DOC2A: variants seen among roughly 807,000 people sequenced by gnomAD.
The protein encoded by DOC2A is double C2 domain alpha, also known as double C2-like domain-containing protein alpha.
Under a neutral mutation model 40.6 loss-of-function variants are expected in DOC2A, and 28 were observed. The ratio of observed to expected loss-of-function variants is 0.69; its 90% CI spans 0.51 to 0.95. The LOEUF is 0.95. DOC2A is among the 40% of genes least tolerant of loss of function. DOC2A has a pLI of 0.00. For synonymous variants in DOC2A, 241 were observed against 236.9 expected (o/e 1.02, Z -0.16); for missense variants, 474 against 552.5 (o/e 0.86, Z 1.42).
In DOC2A at chr16:30,006,036, A is replaced by G. The variant is rs1035893005; in HGVS notation, c.*150T>C. 5 of 873,226 alleles carry G rather than the reference A, an allele frequency of 5.7e-6. No individual in the cohort carries two copies. The highest frequency in any genetic ancestry group is 6.8e-6 in the Non-Finnish European group (4 of 585,226). 54.1% of individuals were successfully genotyped at this position (873,226 alleles called of 1,614,324 possible). On this transcript the variant is annotated 3_prime_UTR_variant, in exon 11 of 11. Coordinates refer to ENST00000350119, the MANE Select transcript of DOC2A (RefSeq NM_003586.3). The surrounding 1 kb of genome is among the most constrained non-coding windows in gnomAD (Gnocchi z 6.2). ...TGAATATAGAACTCCGCAGCCCCTC[A>G]TGAGCAGACAGACCCGGGTCACGGA...
rs9972866 is a variant in DOC2A, at chr16:30,007,661, C to A, written c.528-362G>T. 1,721 of 369,794 alleles carry A rather than the reference C, an allele frequency of 4.7e-3. 10 individuals are homozygous for A. The highest frequency in any genetic ancestry group is 7.5e-3 in the Admixed American group (190 of 25,218). The allele number at this position is 369,794 out of a possible 1,614,324, so 22.9% of individuals were successfully genotyped here. ...GCCTTGGAGCCTTGGGCAGCCAGACCAGTACCCCACGCCTCCTCGGGAACC... is the reference window on the plus strand; with the variant it reads ...GCCTTGGAGCCTTGGGCAGCCAGACAAGTACCCCACGCCTCCTCGGGAACC... On this transcript the variant is annotated intron_variant, in intron 5 of 10. Coordinates refer to ENST00000350119, the MANE Select transcript of DOC2A (RefSeq NM_003586.3).
chr16:30,009,467 G>C lies in DOC2A; in HGVS notation c.342+11C>G, dbSNP rs1284838419. 1.3e-6 allele frequency: 2 copies of C among 1,551,218 alleles called. No homozygotes were observed. The highest frequency in any genetic ancestry group is 2.7e-5 in the African/African-American group (2 of 73,156). On this transcript the variant is annotated intron_variant, in intron 3 of 10. Coordinates refer to ENST00000350119, the MANE Select transcript of DOC2A (RefSeq NM_003586.3). This position sits in a 1 kb window ranked among gnomAD's most constrained non-coding sequence, Gnocchi z 4.1. Reference sequence around the variant, plus strand: ...AACCGGGCCCGGGCTTGGGTGGCAGGGAGTGCCCACCTTGGCCCTGAGGAT... The same window carrying C: ...AACCGGGCCCGGGCTTGGGTGGCAGCGAGTGCCCACCTTGGCCCTGAGGAT...
rs1329268017 is a variant in DOC2A at position 30,009,809 on chromosome 16, AC to A, written c.262+151del. ...TGCTGAAGCTGTAATCTCCACGCTG[AC>A]TGCAGCTGTGGTGGCCGTCCCTGCC... On this transcript the variant is annotated intron_variant, in intron 2 of 10. Coordinates refer to ENST00000350119, the MANE Select transcript of DOC2A (RefSeq NM_003586.3). This position sits in a 1 kb window ranked among gnomAD's most constrained non-coding sequence, Gnocchi z 4.1. 32 of 940,554 alleles carry A rather than the reference AC, an allele frequency of 3.4e-5. No homozygotes were observed. The highest frequency in any genetic ancestry group is 5.0e-5 in the Non-Finnish European group (30 of 597,520). 58.3% of individuals were successfully genotyped at this position (940,554 alleles called of 1,614,324 possible). A position where few individuals can be genotyped will look rare whatever the true frequency, so the allele number is the denominator to read the frequency against.
rs770823790 is a variant in DOC2A at position 30,009,117 on chromosome 16, G to A, written c.418-12C>T. On this transcript the variant is annotated splice_polypyrimidine_tract_variant and intron_variant, in intron 4 of 10. Coordinates refer to ENST00000350119, the MANE Select transcript of DOC2A (RefSeq NM_003586.3). This position sits in a 1 kb window ranked among gnomAD's most constrained non-coding sequence, Gnocchi z 4.1. The stretch of plus-strand genomic sequence containing the variant: ...TTTAGCTTATTGGCCTGGGATGTGG[G>A]GATGAAAGGTTCTCAATACCTGTCC... 6.2e-7 allele frequency: 1 copy of A among 1,612,800 alleles called. No individual in the cohort carries two copies. The highest frequency in any genetic ancestry group is 1.3e-5 in the African/African-American group (1 of 75,024).
At chr16:30,011,366 G>A (rs2070775729), upstream of DOC2A, 3 of 985,068 alleles carry the variant, frequency 3.0e-6, no homozygotes, top group South Asian at 9.4e-5. Context: ...TCGCAAACAC[G>A]CGGGCTCCCT....
In DOC2A at chr16:30,009,586, C is replaced by A. The variant is rs1194537434; in HGVS notation, c.263-29G>T. 8.4e-6 allele frequency: 13 copies of A among 1,542,764 alleles called. No homozygotes were observed. Among genetic ancestry groups the A allele is most frequent in the Admixed American group, 2.0e-5 (1 of 50,972 alleles). On this transcript the variant is annotated intron_variant, in intron 2 of 10. Coordinates refer to ENST00000350119, the MANE Select transcript of DOC2A (RefSeq NM_003586.3). This position sits in a 1 kb window ranked among gnomAD's most constrained non-coding sequence, Gnocchi z 4.1. ...GAGAGAGAGGAAAGGCAGCATGGGT[C>A]GGTATGGAGACAGGTGTGTGCGAGA...
At chr16:30,011,213 G>C, upstream of DOC2A, 1 of 723,054 alleles carries the variant, frequency 1.4e-6, no homozygotes, top group Non-Finnish European at 1.7e-6. Flanking sequence ...GGGGCACGCG[G>C]ACCGGCACAC....
chr16:30,009,951 C>T lies in DOC2A; in HGVS notation c.262+10G>A. 1 of 1,611,104 alleles carries T rather than the reference C, an allele frequency of 6.2e-7. No homozygotes were observed. Among genetic ancestry groups the T allele is most frequent in the Non-Finnish European group, 8.5e-7 (1 of 1,179,718 alleles). On this transcript the variant is annotated intron_variant, in intron 2 of 10. Transcript: ENST00000350119. The surrounding 1 kb of genome is among the most constrained non-coding windows in gnomAD (Gnocchi z 4.1). ...ACCAGCACATGGGGCCTCCAAGCCCCCAGACTCACTGGCATCATCCGAGTC... is the reference window on the plus strand; with the variant it reads ...ACCAGCACATGGGGCCTCCAAGCCCTCAGACTCACTGGCATCATCCGAGTC...
At chr16:30,007,009 C>T in intron 7 of DOC2A, 22 bp downstream of exon 7, 1 of 1,613,908 alleles carries the variant, frequency 6.2e-7, no homozygotes, top group Admixed American at 1.7e-5. Flanking sequence ...ACATGCATCC[C>T]CATCCCCATG....
intron 5 of DOC2A, chr16:30,007,811 T>C (rs2070667511): frequency 4.5e-6 from 1 of 223,726 alleles, no homozygotes; most frequent in African/African-American, 2.3e-5. Context: ...ACTACCAGGC[T>C]GGGCATCTGT....
In DOC2A at chr16:30,009,481, G is replaced by C. The variant is rs202175354; in HGVS notation, c.339C>G (p.Ala113=). The C allele has an allele frequency of 9.0e-6, 14 of 1,551,492 alleles. No individual in the cohort carries two copies. In the Admixed American group the frequency reaches 2.4e-4, roughly 26 times the overall value. The change falls in exon 3 of 11, where the codon GCC becomes GCG. Residue 113 remains alanine (A), a synonymous_variant. Coordinates refer to ENST00000350119, the MANE Select transcript of DOC2A (RefSeq NM_003586.3). This position sits in a 1 kb window ranked among gnomAD's most constrained non-coding sequence, Gnocchi z 4.1. ...TTGGGTGGCAGGGAGTGCCCACCTT[G>C]GCCCTGAGGATGCTACAGTGCAGAG... ...SCTLHCSILR[A]KGLKPMDFNG... is the part of the protein sequence containing the mutation.
chr16:30,013,234 G>C (rs1385247740), upstream of DOC2A, among the ~76,000 whole-genome samples: 2 of 148,626 alleles, frequency 1.3e-5, no homozygotes. Context: ...TCAAGAGGCT[G>C]AGGTGGGAGG....
intron 1 of DOC2A, among the ~76,000 whole-genome samples, chr16:30,019,307 G>C (rs2070889012): frequency 6.6e-6 from 1 of 152,078 alleles, no homozygotes; most frequent in Non-Finnish European, 1.5e-5. Context: ...GACTGAATGA[G>C]ACTCCATCTC....
chr16:30,010,444 A>G lies in DOC2A; in HGVS notation c.-13-209T>C. 2 of 648,962 alleles carry G rather than the reference A, an allele frequency of 3.1e-6. No homozygotes were observed. The highest frequency in any genetic ancestry group is 2.5e-5 in the Admixed American group (1 of 40,330). The allele number at this position is 648,962 out of a possible 1,614,324, so 40.2% of individuals were successfully genotyped here. On this transcript the variant is annotated intron_variant, in intron 1 of 10. Transcript: ENST00000350119. This position sits in a 1 kb window ranked among gnomAD's most constrained non-coding sequence, Gnocchi z 4.2. Reference sequence around the variant, plus strand: ...TCCACAGGGGCTGGGCTGCCAACCCACTCCTTGCAGAAGTCGAGGTTGCAC... The same window carrying G: ...TCCACAGGGGCTGGGCTGCCAACCCGCTCCTTGCAGAAGTCGAGGTTGCAC...
chr16:30,010,078 C>T lies in DOC2A; in HGVS notation c.145G>A (p.Gly49Ser), dbSNP rs371010624. 69 of 1,611,442 alleles carry T rather than the reference C, an allele frequency of 4.3e-5. No individual in the cohort carries two copies. Among genetic ancestry groups the T allele is most frequent in the East Asian group, 6.7e-5 (3 of 44,850 alleles). Residue 49 changes from glycine (G) to serine (S), a missense_variant, in exon 2 of 11, where the codon GGC (glycine) becomes AGC (serine). Physicochemically the swap from Gly to Ser is moderately conservative, Grantham distance 56. Transcript: ENST00000350119. This position sits in a 1 kb window ranked among gnomAD's most constrained non-coding sequence, Gnocchi z 4.2. ...GPGPEGGGGG[G>S]GEAPAHLVPL... ...ACCAGATGGGCGGGGGCCTCCCCGC[C>T]GCCCCCGCCGCCCCCTTCAGGTCCT...
At position 30,010,809 on chromosome 16, in the gene DOC2A, G is replaced by T; in HGVS notation, c.-14+94C>A. The stretch of plus-strand genomic sequence containing the variant: ...CTCCTCAGGGGAGCCAGAAATTGCA[G>T]CCGCAGGAGAGCCGAACACCCCCGT... On this transcript the variant is annotated intron_variant, in intron 1 of 10. Coordinates refer to ENST00000350119, the MANE Select transcript of DOC2A (RefSeq NM_003586.3). This position sits in a 1 kb window ranked among gnomAD's most constrained non-coding sequence, Gnocchi z 4.2. 1 of 914,808 alleles carries T rather than the reference G, an allele frequency of 1.1e-6. No individual in the cohort carries two copies. Among genetic ancestry groups the T allele is most frequent in the Non-Finnish European group, 1.3e-6 (1 of 759,640 alleles). The allele number at this position is 914,808 out of a possible 1,614,324, so 56.7% of individuals were successfully genotyped here.
In DOC2A at chr16:30,010,575, A is replaced by C; in HGVS notation, c.-14+328T>G. 4 of 348,424 alleles carry C rather than the reference A, an allele frequency of 1.1e-5. No homozygotes were observed. The highest frequency in any genetic ancestry group is 2.2e-5 in the Non-Finnish European group (4 of 182,964). 21.6% of individuals were successfully genotyped at this position (348,424 alleles called of 1,614,324 possible). On this transcript the variant is annotated intron_variant, in intron 1 of 10. Transcript: ENST00000350119. This position sits in a 1 kb window ranked among gnomAD's most constrained non-coding sequence, Gnocchi z 4.2. The stretch of plus-strand genomic sequence containing the variant: ...TGCTCCTGAGCCTGCCTGTCCCCCA[A>C]GGGGCCCTGCAGGGCCCCGCCTCTG...
Position 30,006,725 on chromosome 16 carries a change from A to G in DOC2A, c.879-48T>C, listed in dbSNP as rs1386109168. On this transcript the variant is annotated intron_variant, in intron 8 of 10. Coordinates refer to ENST00000350119, the MANE Select transcript of DOC2A (RefSeq NM_003586.3). This position sits in a 1 kb window ranked among gnomAD's most constrained non-coding sequence, Gnocchi z 6.2. Reference sequence around the variant, plus strand: ...CGAACTGAGGGGTGAGGGACAGGCCAGGCCCAACTCAGGCCAGGGCAGGCT... The same window carrying G: ...CGAACTGAGGGGTGAGGGACAGGCCGGGCCCAACTCAGGCCAGGGCAGGCT... The G allele has an allele frequency of 8.1e-6, 13 of 1,613,610 alleles. No homozygotes were observed. Among genetic ancestry groups the G allele is most frequent in the Non-Finnish European group, 1.1e-5 (13 of 1,179,736 alleles).
At chr16:30,013,792 G>A (rs377496873), upstream of DOC2A, among the ~76,000 whole-genome samples, 3 of 150,280 alleles carry the variant, frequency 2.0e-5, no homozygotes, top group African/African-American at 7.4e-5. Context: ...TTGGCTCACC[G>A]CAACCTCTGC....
Sources: gnomAD v4.1 joint callset for allele counts (sites outside exome capture counted in the v4.1 genomes callset) on GRCh38, gnomAD v4.1.1 for gene constraint, Gnocchi (gnomAD v3.1) non-coding constraint, MANE v1.5 for transcripts, NCBI Gene and HGNC (gene_info 2026-07-23, HGNC 2026-07-21) for gene names.